Variants in NKAIN2 observed in about 807,000 individuals in gnomAD.
NKAIN2 encodes sodium/potassium transporting ATPase interacting 2.
Under a neutral mutation model 32.6 loss-of-function variants are expected in NKAIN2, and 14 were observed. The ratio of observed to expected loss-of-function variants is 0.43; its 90% confidence interval spans 0.28 to 0.67. NKAIN2 has a LOEUF of 0.67. Among genes scored for constraint, NKAIN2 ranks in the 30% least tolerant of loss-of-function variants. NKAIN2 has a pLI of 0.17. For synonymous variants in NKAIN2, 80 were observed against 87.2 expected (o/e 0.92, Z 0.46); for missense variants, 198 against 258.3 (o/e 0.77, Z 1.60).
chr6:124,529,700 G>GGAGGACAGGAT (rs1779450401), intron 3 of NKAIN2, among the ~76,000 whole-genome samples: 1 of 152,106 alleles, frequency 6.6e-6, no homozygotes, highest in Non-Finnish European at 1.5e-5. Context: ...AGAAAAAGGA[G>GGAGGACAGGAT]GAGGACAGGA....
At chr6:124,653,158 T>G (rs925261453) in intron 3 of NKAIN2, among the ~76,000 whole-genome samples, 1 of 151,934 alleles carries the variant, frequency 6.6e-6, no homozygotes, top group Non-Finnish European at 1.5e-5. Context: ...CTAAAGTATA[T>G]AGAGAGAGGT....
Position 124,292,117 on chromosome 6 carries a change from G to C in NKAIN2, c.192+8975G>C, listed in dbSNP as rs187764750. 6.2e-4 allele frequency among the ~76,000 whole-genome samples: 94 copies of C among 152,086 alleles called. No homozygotes were observed. The Middle Eastern group carries it at 0.01, about 17-fold the overall frequency. On this transcript the variant is annotated intron_variant, in intron 2 of 6. Transcript: ENST00000368417. The stretch of plus-strand genomic sequence containing the variant: ...TAATTTATTTATGAAAAATCTCCTT[G>C]TTTTCCCCAGAGAAATAAACTCCTG...
intron 1 of NKAIN2, among the ~76,000 whole-genome samples, chr6:123,882,965 G>A (rs1773517881): frequency 6.9e-6 from 1 of 145,474 alleles, no homozygotes; most frequent in African/African-American, 2.7e-5. Flanking sequence ...TTGGTCTGGG[G>A]TGTGTGTGTG....
At chr6:124,508,187 G>T (rs913669966) in intron 3 of NKAIN2, among the ~76,000 whole-genome samples, 2 of 151,884 alleles carry the variant, frequency 1.3e-5, no homozygotes, top group African/African-American at 4.8e-5. Flanking sequence ...AGCTTGGGAG[G>T]TTAAGGCTGT....
chr6:123,854,322 A>G (rs761232012), intron 1 of NKAIN2, among the ~76,000 whole-genome samples: 1 of 152,204 alleles, frequency 6.6e-6, no homozygotes, highest in Non-Finnish European at 1.5e-5. Context: ...TTTAATTTTT[A>G]AAATGCACTC....
chr6:124,573,441 G>T (rs748015516), intron 3 of NKAIN2, among the ~76,000 whole-genome samples: 1 of 151,208 alleles, frequency 6.6e-6, no homozygotes, highest in Non-Finnish European at 1.5e-5. Context: ...TTGCATTCTT[G>T]TTGAACTGTT....
intron 1 of NKAIN2, among the ~76,000 whole-genome samples, chr6:123,986,726 T>A (rs1468473165): frequency 6.6e-6 from 1 of 152,162 alleles, no homozygotes; most frequent in Non-Finnish European, 1.5e-5. Flanking sequence ...CTGAAAAACA[T>A]CACTGCTCTA....
At chr6:124,805,308 A>G (rs2114842468) in intron 5 of NKAIN2, among the ~76,000 whole-genome samples, 1 of 152,260 alleles carries the variant, frequency 6.6e-6, no homozygotes, top group Admixed American at 6.5e-5. Flanking sequence ...CAGAGGAACG[A>G]TCAGACAGCG....
At chr6:124,804,218 A>G (rs1477848076) in intron 5 of NKAIN2, among the ~76,000 whole-genome samples, 1 of 152,220 alleles carries the variant, frequency 6.6e-6, no homozygotes, top group Admixed American at 6.5e-5. Flanking sequence ...ACCTGATAAC[A>G]AGATCCAGGT....
chr6:124,418,201 G>A (rs1211751299), intron 3 of NKAIN2, among the ~76,000 whole-genome samples: 2 of 151,746 alleles, frequency 1.3e-5, no homozygotes, highest in African/African-American at 4.8e-5. Context: ...TGTTTGTATG[G>A]TGTGTGTTCC....
intron 1 of NKAIN2, among the ~76,000 whole-genome samples, chr6:123,897,735 C>T (rs909722628): frequency 1.1e-4 from 16 of 152,038 alleles, no homozygotes; most frequent in African/African-American, 3.9e-4. Flanking sequence ...AGAGGGTGCT[C>T]ATAAATACCT....
At chr6:123,972,182 G>A (rs948579421) in intron 1 of NKAIN2, among the ~76,000 whole-genome samples, 2 of 152,170 alleles carry the variant, frequency 1.3e-5, no homozygotes, top group South Asian at 2.1e-4. Flanking sequence ...CAAAATATGT[G>A]TTCATCAATG....
rs117985625 is a variant in NKAIN2, at chr6:123,986,387, T to G, written c.54+182133T>G. 2.6e-3 allele frequency among the ~76,000 whole-genome samples: 403 copies of G among 152,294 alleles called. 10 individuals are homozygous for G. The East Asian group carries it at 0.064, about 24-fold the overall frequency. ...TACCAATACAGCTGTAAAACACTTATCAGACTTTTTCAGCTATTTTTCTTT... is the reference window on the plus strand; with the variant it reads ...TACCAATACAGCTGTAAAACACTTAGCAGACTTTTTCAGCTATTTTTCTTT... On this transcript the variant is annotated intron_variant, in intron 1 of 6. Coordinates refer to ENST00000368417, the MANE Select transcript of NKAIN2 (RefSeq NM_001040214.3).
intron 1 of NKAIN2, among the ~76,000 whole-genome samples, chr6:124,064,996 A>C (rs577787524): frequency 1.3e-5 from 2 of 152,220 alleles, no homozygotes; most frequent in South Asian, 4.1e-4. Flanking sequence ...GTACTGAGTT[A>C]GCTGTTCTCT....
intron 1 of NKAIN2, among the ~76,000 whole-genome samples, chr6:124,255,531 T>C (rs1793888215): frequency 6.6e-6 from 1 of 152,252 alleles, no homozygotes; most frequent in Non-Finnish European, 1.5e-5. Context: ...ATCCATCTAT[T>C]TCGCGGAGGA....
intron 1 of NKAIN2, among the ~76,000 whole-genome samples, chr6:124,000,119 G>A (rs898863709): frequency 1.3e-5 from 2 of 151,946 alleles, no homozygotes; most frequent in South Asian, 2.1e-4. Flanking sequence ...ACATTTCATC[G>A]TCTTCCAAAA....
intron 3 of NKAIN2, among the ~76,000 whole-genome samples, chr6:124,569,064 A>T (rs1229205345): frequency 6.6e-6 from 1 of 152,112 alleles, no homozygotes; most frequent in Non-Finnish European, 1.5e-5. Flanking sequence ...AGAGTCTCCC[A>T]CTTATTTGAT....
intron 3 of NKAIN2, among the ~76,000 whole-genome samples, chr6:124,654,007 C>T (rs1319047649): frequency 1.3e-5 from 2 of 151,754 alleles, no homozygotes; most frequent in Admixed American, 6.6e-5. Flanking sequence ...ATTCATACAA[C>T]CAAATTTTAG....
At position 124,651,661 on chromosome 6, in the gene NKAIN2, A is replaced by G. The variant is rs750575606; in HGVS notation, c.274-6525A>G. Among the ~76,000 whole-genome samples, 549 of 152,202 alleles carry G rather than the reference A, an allele frequency of 3.6e-3. 1 individual carries two copies. The highest frequency in any genetic ancestry group is 5.7e-3 in the Non-Finnish European group (390 of 68,004). On this transcript the variant is annotated intron_variant, in intron 3 of 6. Transcript: ENST00000368417. ...GGAGACAAGCTTCTTGAATGTGGGG[A>G]ACAGAGTTATAAACACAGGGAACAG...
Sources: allele counts gnomAD v4.1 joint callset (sites outside exome capture counted in the v4.1 genomes callset), GRCh38; gene constraint gnomAD v4.1.1; transcripts MANE v1.5; gene names NCBI Gene and HGNC (gene_info 2026-07-23, HGNC 2026-07-21).